The following VWF variants were observed in gnomAD, a reference collection of about 807,000 sequenced individuals.
The protein encoded by VWF is Factor VIII related antigen.
Under a neutral mutation model 308.6 loss-of-function variants are expected in VWF, and 176 were observed. That is an observed-to-expected ratio of 0.57 (90% CI 0.50 to 0.65). VWF has a LOEUF of 0.65. Among genes scored for constraint, VWF ranks in the 30% least tolerant of loss-of-function variants. The probability of loss-of-function intolerance (pLI) is 0.00; values close to 1 mark genes in which losing one functional copy is unlikely to be tolerated. For synonymous variants in VWF, 1,385 were observed against 1,443.4 expected (o/e 0.96, Z 0.92); for missense variants, 3,146 against 3,648.2 (o/e 0.86, Z 3.55).
At chr12:6,017,610 G>A (rs1050398487) in intron 28 of VWF, among the ~76,000 whole-genome samples, 5 of 152,140 alleles carry the variant, frequency 3.3e-5, no homozygotes, top group Non-Finnish European at 7.4e-5. Flanking sequence ...TAACAGCAGT[G>A]GGAGCAAGCA....
chr12:6,098,192 G>C (rs1248850490), intron 5 of VWF, among the ~76,000 whole-genome samples: 2 of 152,182 alleles, frequency 1.3e-5, no homozygotes, highest in Non-Finnish European at 1.5e-5. Context: ...TTAACTGTTT[G>C]GGGACAAACA....
At chr12:5,950,742 A>G (rs1374729463) in intron 50 of VWF, among the ~76,000 whole-genome samples, 1 of 151,982 alleles carries the variant, frequency 6.6e-6, no homozygotes, top group African/African-American at 2.4e-5. Flanking sequence ...TATTGTCCTT[A>G]TTAAAGATCT....
At position 6,018,760 on chromosome 12, in the gene VWF, C is replaced by G; in HGVS notation, c.4658G>C (p.Ser1553Thr). 1.2e-6 allele frequency: 2 copies of G among 1,613,620 alleles called. No homozygotes were observed. Among genetic ancestry groups the G allele is most frequent in the Non-Finnish European group, 8.5e-7 (1 of 1,179,916 alleles). Residue 1553 changes from serine (S) to threonine (T), a missense_variant, in exon 28 of 52, where the codon AGC becomes ACC. Physicochemically the swap from Ser to Thr is moderately conservative, Grantham distance 58. Around this residue, in one of 3 missense-constraint regions of VWF, gnomAD observed 853 missense variants for 1,177.8 expected, o/e 0.72. Coordinates refer to ENST00000261405, the MANE Select transcript of VWF (RefSeq NM_000552.5). ...SYMVTVEYPF[S>T]EAQSKGDILQ... ...GATGTCCCCTTTGGACTGTGCCTCG[C>G]TGAAGGGGTACTCCACAGTCACCAT...
At chr12:5,953,142 G>T (rs960614886) in intron 48 of VWF, among the ~76,000 whole-genome samples, 1 of 152,022 alleles carries the variant, frequency 6.6e-6, no homozygotes, top group East Asian at 1.9e-4. Flanking sequence ...CAGGGAAATC[G>T]CTTGAACCCA....
chr12:5,961,963 A>T (rs887299574), intron 47 of VWF, among the ~76,000 whole-genome samples: 10 of 102,040 alleles, frequency 9.8e-5, no homozygotes, highest in African/African-American at 7.5e-5. Context: ...GCTGTTATTT[A>T]AAAAAAAAAA....
chr12:5,956,868 T>G (rs76879130), intron 47 of VWF, among the ~76,000 whole-genome samples: 1,915 of 152,256 alleles, frequency 0.013, 33 homozygotes, highest in African/African-American at 0.041. Flanking sequence ...GAAAAATATT[T>G]TGTAGTAAAT....
rs750720570 is a variant in VWF at position 6,121,286 on chromosome 12, G to C, written c.108C>G (p.Ser36Arg). The change falls in exon 3 of 52, where the codon AGC (serine) becomes AGG (arginine). Residue 36 changes from serine to arginine, a missense_variant. Physicochemically the swap from Ser to Arg is moderately radical, Grantham distance 110 (BLOSUM62 -1). Transcript: ENST00000261405. ...TGTTGACGAAGTCACTTCCGAAAAG[G>C]CTGCATCGGGCCGTGGATGACCTGC... ...TRGRSSTARC[S>R]LFGSDFVNTF... is the part of the protein sequence containing the mutation. 1.2e-6 allele frequency: 2 copies of C among 1,614,114 alleles called. No individual in the cohort carries two copies. The highest frequency in any genetic ancestry group is 1.7e-6 in the Non-Finnish European group (2 of 1,180,056).
chr12:6,072,588 C>T (rs1291737791), intron 8 of VWF, 146 bp from the exon 9 acceptor site: 3 of 718,402 alleles, frequency 4.2e-6, no homozygotes, highest in African/African-American at 1.7e-5. Flanking sequence ...TCACATAATG[C>T]AATATAAGGA....
At chr12:6,017,108 TC>T (rs1296932803) in intron 28 of VWF, among the ~76,000 whole-genome samples, 18 of 152,192 alleles carry the variant, frequency 1.2e-4, no homozygotes, top group Admixed American at 1.2e-3. Context: ...AGACTCCAAT[TC>T]TACCCAAAGG....
In VWF at chr12:5,996,170, A is replaced by G. The variant is rs1943806193; in HGVS notation, c.5895T>C (p.Asn1965=). The change falls in exon 35 of 52, where the codon AAT becomes AAC. Residue 1965 remains asparagine (N), a synonymous_variant. Coordinates refer to ENST00000261405, the MANE Select transcript of VWF (RefSeq NM_000552.5). ...AAGAACAGCTGCCAGTCAGCTTGAA[A>G]TTCTGCCCATCAAAGGTCACGATGT... is the stretch of plus-strand genomic sequence containing the variant. The part of the protein sequence containing the change: ...TRHIVTFDGQ[N]FKLTGSCSYV... 6.2e-7 allele frequency: 1 copy of G among 1,614,106 alleles called. No individual in the cohort carries two copies. Among genetic ancestry groups the G allele is most frequent in the South Asian group, 1.1e-5 (1 of 91,060 alleles).
intron 5 of VWF, among the ~76,000 whole-genome samples, chr12:6,104,385 T>C (rs1591920664): frequency 7.0e-6 from 1 of 142,026 alleles, no homozygotes; most frequent in Non-Finnish European, 1.5e-5. Context: ...CAAAGAACTT[T>C]AAAAAAAAAA....
At chr12:5,992,058 C>T (rs1565822102) in intron 37 of VWF, 40 bp from the exon 38 acceptor site, 1 of 1,590,170 alleles carries the variant, frequency 6.3e-7, no homozygotes, top group Non-Finnish European at 8.6e-7. Context: ...AGGCCCACAC[C>T]AGCCAGAGTG....
Position 6,018,713 on chromosome 12 carries a change from G to A in VWF, c.4705C>T (p.Arg1569Cys), listed in dbSNP as rs61909722. The A allele has an allele frequency of 2.5e-5, 40 of 1,613,438 alleles. No individual in the cohort carries two copies. In the Middle Eastern group the frequency reaches 5.0e-4, roughly 20 times the overall value. The change falls in exon 28 of 52, where the codon CGC becomes TGC. Residue 1569 changes from arginine (R) to cysteine (C), a missense_variant. This residue lies in a region of VWF where 853 missense variants were observed against 1,177.8 expected (regional missense o/e 0.72). Coordinates refer to ENST00000261405, the MANE Select transcript of VWF (RefSeq NM_000552.5). The stretch of plus-strand genomic sequence containing the variant: ...TTGGTCCTGTTGCCGCCCTGGTAGC[G>A]GATCTCTCGCACCCGCTGCAGGATG... ...GDILQRVREI[R>C]YQGGNRTNTG... is the part of the protein sequence containing the mutation.
chr12:6,031,898 C>T (rs1944268048), intron 20 of VWF, among the ~76,000 whole-genome samples: 1 of 152,164 alleles, frequency 6.6e-6, no homozygotes, highest in Admixed American at 6.5e-5. Context: ...AAGGCCTTGC[C>T]TAGAGCCCAT....
In VWF at chr12:5,991,928, T is replaced by G. The variant is rs1166600444; in HGVS notation, c.6689A>C (p.His2230Pro). The change falls in exon 38 of 52, where the codon CAT becomes CCT. Residue 2230 changes from histidine to proline, a missense_variant. By Grantham distance (77) the His-to-Pro change is moderately conservative. This residue lies in a region of VWF where 989 missense variants were observed against 1,117.4 expected (regional missense o/e 0.89). Transcript: ENST00000261405. ...AGGGCAGAAACAGCCTTCGGAGGGA[T>G]GGTCCCCACAGGAGCTCACGTTGCC... ...CDGNVSSCGD[H>P]PSEGCFCPPD... is the part of the protein sequence containing the mutation. The G allele has an allele frequency of 1.2e-6, 2 of 1,614,202 alleles. No individual in the cohort carries two copies. The highest frequency in any genetic ancestry group is 2.2e-5 in the South Asian group (2 of 91,084).
chr12:6,023,613 G>A lies in VWF; in HGVS notation c.3379+18C>T. 3 of 1,613,622 alleles carry A rather than the reference G, an allele frequency of 1.9e-6. No individual in the cohort carries two copies. The highest frequency in any genetic ancestry group is 2.5e-6 in the Non-Finnish European group (3 of 1,179,964). On this transcript the variant is annotated intron_variant, in intron 25 of 51. Coordinates refer to ENST00000261405, the MANE Select transcript of VWF (RefSeq NM_000552.5). The stretch of plus-strand genomic sequence containing the variant: ...AAGAAGGGAGGGCATCTGAGAACAT[G>A]AGGGCGTCAGTACTCACGGCACAAT...
intron 37 of VWF, among the ~76,000 whole-genome samples, chr12:5,993,192 T>G (rs1168094135): frequency 6.6e-6 from 1 of 152,182 alleles, no homozygotes; most frequent in Non-Finnish European, 1.5e-5. Context: ...AGGATTATAT[T>G]TGATGACTGA....
At chr12:5,984,960 C>G (rs1591843387) in intron 40 of VWF, 85 bp downstream of exon 40, 2 of 1,071,760 alleles carry the variant, frequency 1.9e-6, no homozygotes, top group Non-Finnish European at 1.4e-6. Flanking sequence ...TGCCTGAGAA[C>G]AGAGACACCT....
chr12:6,065,700 C>T (rs1944705696), intron 10 of VWF, among the ~76,000 whole-genome samples: 2 of 151,936 alleles, frequency 1.3e-5, no homozygotes, highest in Admixed American at 6.5e-5. Context: ...GGAGGCTGCC[C>T]AATAGCACAG....
Sources: gnomAD v4.1 joint callset for allele counts (sites outside exome capture counted in the v4.1 genomes callset) on GRCh38, gnomAD v4.1.1 for gene constraint, gnomAD v4.1.1 regional missense constraint, MANE v1.5 for transcripts, NCBI Gene and HGNC (gene_info 2026-07-23, HGNC 2026-07-21) for gene names.